The following SLC15A1 variants were observed in gnomAD, a reference collection of about 807,000 sequenced individuals.
SLC15A1 encodes Caco-2 oligopeptide transporter.
SLC15A1 carries 83 observed loss-of-function variants against 92.9 expected under a neutral mutation model. The ratio of observed to expected loss-of-function variants is 0.89; its 90% CI spans 0.75 to 1.07. The LOEUF (loss-of-function observed/expected upper bound fraction) is 1.07. SLC15A1 is among the 50% of genes least tolerant of loss of function. SLC15A1 has a pLI of 0.00. For missense variants in SLC15A1, 857 were observed against 880.1 expected (o/e 0.97, Z 0.33); for synonymous variants, 322 against 318.2 (o/e 1.01, Z -0.13).
At chr13:98,728,977 TAAAAAAAAAAAAAAAAA>T (rs71218592) in intron 1 of SLC15A1, among the ~76,000 whole-genome samples, 1 of 13,900 alleles carries the variant, frequency 7.2e-5, no homozygotes, top group Non-Finnish European at 1.2e-4. Context: ...TAAGGCTCTG[TAAAAAAAAAAAAAAAAA>T]AAAAAAAAAA....
chr13:98,687,633 G>A lies in SLC15A1; in HGVS notation c.1775C>T (p.Thr592Ile). The part of the protein sequence containing the change: ...ALQIPQYFLL[T>I]CGEVVFSVTG... ...GACAGAGAAGACCACTTCGCCACAG[G>A]TGAGAAGAAAATACTGCGGGATTTG... is the stretch of plus-strand genomic sequence containing the variant. Residue 592 changes from threonine to isoleucine, a missense_variant, in exon 21 of 23, where the codon ACC becomes ATC. Thr to Ile is a moderately conservative substitution (Grantham distance 89). Coordinates refer to ENST00000376503, the MANE Select transcript of SLC15A1 (RefSeq NM_005073.4). 1 of 1,614,200 alleles carries A rather than the reference G, an allele frequency of 6.2e-7. No individual in the cohort carries two copies. Among genetic ancestry groups the A allele is most frequent in the Non-Finnish European group, 8.5e-7 (1 of 1,180,032 alleles).
At chr13:98,746,235 G>A (rs1252685022) in intron 1 of SLC15A1, among the ~76,000 whole-genome samples, 3 of 152,130 alleles carry the variant, frequency 2.0e-5, no homozygotes, top group African/African-American at 4.8e-5. Flanking sequence ...GTAGTATTCC[G>A]TGGTGTATAT....
chr13:98,697,258 G>A (rs1167332547), intron 18 of SLC15A1, among the ~76,000 whole-genome samples: 1 of 152,222 alleles, frequency 6.6e-6, no homozygotes, highest in East Asian at 1.9e-4. Context: ...GTTTCACCAT[G>A]TTGGCCAGGC....
chr13:98,738,388 G>T (rs2139606601), intron 1 of SLC15A1, among the ~76,000 whole-genome samples: 1 of 152,362 alleles, frequency 6.6e-6, no homozygotes, highest in African/African-American at 2.4e-5. Context: ...AGGAATTTCA[G>T]AGACCTTCCT....
chr13:98,688,828 T>C (rs536239382), intron 18 of SLC15A1, among the ~76,000 whole-genome samples: 72 of 152,338 alleles, frequency 4.7e-4, no homozygotes, highest in Middle Eastern at 3.4e-3. Context: ...CTAAGTACTT[T>C]GTAAATCTAA....
At chr13:98,716,618 T>C (rs1440575029) in intron 8 of SLC15A1, among the ~76,000 whole-genome samples, 1 of 151,790 alleles carries the variant, frequency 6.6e-6, no homozygotes, top group Non-Finnish European at 1.5e-5. Flanking sequence ...TGAAACTCCA[T>C]ATCAAAATAA....
At chr13:98,722,020 AT>A in intron 5 of SLC15A1, 117 bp from the exon 6 acceptor site, 2 of 750,362 alleles carry the variant, frequency 2.7e-6, no homozygotes, top group South Asian at 2.4e-5. Context: ...GAAGAAGACA[AT>A]CTCGCGAGAA....
intron 7 of SLC15A1, among the ~76,000 whole-genome samples, 162 bp from the exon 8 acceptor site, chr13:98,719,482 A>G (rs1343114196): frequency 1.3e-5 from 2 of 152,240 alleles, no homozygotes; most frequent in African/African-American, 4.8e-5. Flanking sequence ...GTAAAGCAGC[A>G]GTGAAGCAGG....
At chr13:98,748,243 C>T (rs373809925) in intron 1 of SLC15A1, among the ~76,000 whole-genome samples, 1 of 152,142 alleles carries the variant, frequency 6.6e-6, no homozygotes, top group Non-Finnish European at 1.5e-5. Flanking sequence ...CCAGCTGAAC[C>T]ACATTCATTT....
chr13:98,691,012 G>A lies in SLC15A1; in HGVS notation c.1467-2435C>T, dbSNP rs111922045. Among the ~76,000 whole-genome samples, 773 of 151,968 alleles carry A rather than the reference G, an allele frequency of 5.1e-3. 12 individuals carry two copies. The highest frequency in any genetic ancestry group is 0.017 in the African/African-American group (705 of 41,456). On this transcript the variant is annotated intron_variant, in intron 18 of 22. Transcript: ENST00000376503. The stretch of plus-strand genomic sequence containing the variant: ...TCTTAGCATATTGTCTTTCACATTC[G>A]TTCATATCGTGGCATGTATCCGTAC...
chr13:98,734,509 G>T (rs1250286654), intron 1 of SLC15A1, among the ~76,000 whole-genome samples: 1 of 152,150 alleles, frequency 6.6e-6, no homozygotes, highest in Non-Finnish European at 1.5e-5. Flanking sequence ...AAGGGGTCGG[G>T]TCAGGGGATT....
chr13:98,732,051 G>A (rs1317209248), intron 1 of SLC15A1, among the ~76,000 whole-genome samples: 1 of 152,226 alleles, frequency 6.6e-6, no homozygotes, highest in Admixed American at 6.5e-5. Flanking sequence ...TTATCTTAAT[G>A]TACCTGTGTC....
At chr13:98,726,714 G>T in intron 2 of SLC15A1, 129 bp downstream of exon 2, 1 of 955,908 alleles carries the variant, frequency 1.0e-6, no homozygotes, top group Non-Finnish European at 1.7e-6. Flanking sequence ...CATCTCACAT[G>T]GAAATCCGGG....
At chr13:98,708,972 T>TTTC (rs1439883637) in intron 14 of SLC15A1, among the ~76,000 whole-genome samples, 1 of 150,142 alleles carries the variant, frequency 6.7e-6, no homozygotes, top group East Asian at 1.9e-4. Context: ...ATTTACTTTT[T>TTTC]TTTTTTTTTT....
rs1245629412 is a variant in SLC15A1 at position 98,729,000 on chromosome 13, A to C, written c.5-2141T>G. ...TGTAAAAAAAAAAAAAAAAAAAAAA[A>C]AAAAAACAACAAGCCCCAAAACAAA... On this transcript the variant is annotated intron_variant, in intron 1 of 22. Coordinates refer to ENST00000376503, the MANE Select transcript of SLC15A1 (RefSeq NM_005073.4). Among the ~76,000 whole-genome samples, 12 of 147,280 alleles carry C rather than the reference A, an allele frequency of 8.1e-5. 2 individuals carry two copies. The highest frequency in any genetic ancestry group is 2.2e-4 in the African/African-American group (9 of 40,132).
At chr13:98,744,782 C>A (rs752859196) in intron 1 of SLC15A1, among the ~76,000 whole-genome samples, 1 of 147,866 alleles carries the variant, frequency 6.8e-6, no homozygotes, top group Non-Finnish European at 1.5e-5. Flanking sequence ...AGGCAAAAAC[C>A]GCAATTACTT....
At chr13:98,700,508 G>A (rs1207619450) in intron 18 of SLC15A1, among the ~76,000 whole-genome samples, 67 of 40,726 alleles carry the variant, frequency 1.6e-3, no homozygotes, top group African/African-American at 5.7e-3. Flanking sequence ...AAAAAAAAAA[G>A]GGTGACATCG....
intron 1 of SLC15A1, among the ~76,000 whole-genome samples, chr13:98,750,161 G>A (rs2088531133): frequency 6.6e-6 from 1 of 151,710 alleles, no homozygotes; most frequent in Non-Finnish European, 1.5e-5. Context: ...CGTCCAGGCT[G>A]GAGTGCAATG....
intron 1 of SLC15A1, among the ~76,000 whole-genome samples, chr13:98,741,351 A>G (rs768813143): frequency 4.6e-5 from 7 of 152,156 alleles, no homozygotes; most frequent in Non-Finnish European, 7.4e-5. Flanking sequence ...GGTGGCTCAC[A>G]CCTGTAATCC....
Sources: allele counts gnomAD v4.1 joint callset (sites outside exome capture counted in the v4.1 genomes callset), GRCh38; gene constraint gnomAD v4.1.1; transcripts MANE v1.5; gene names NCBI Gene and HGNC (gene_info 2026-07-23, HGNC 2026-07-21).